TMEM67: variants seen among roughly 807,000 people sequenced by gnomAD.
The protein encoded by TMEM67 is meckelin.
In TMEM67, 124 loss-of-function variants were observed where a neutral mutation model predicts 136.6. The observed-to-expected ratio is 0.91, with a 90% CI of 0.78 to 1.05. The LOEUF is 1.05. TMEM67 is among the 50% of genes least tolerant of loss of function. TMEM67 has a pLI of 0.00. For missense variants in TMEM67, 1,107 were observed against 1,178.4 expected (o/e 0.94, Z 0.89); for synonymous variants, 364 against 390.5 (o/e 0.93, Z 0.80).
At chr8:93,773,447 G>A (rs966041628) in intron 7 of TMEM67, among the ~76,000 whole-genome samples, 3 of 152,144 alleles carry the variant, frequency 2.0e-5, no homozygotes, top group Admixed American at 6.5e-5. Flanking sequence ...AGAATTTGTT[G>A]GGGTAAGGGA....
At chr8:93,780,799 T>G (rs756926400) in intron 8 of TMEM67, 52 bp downstream of exon 8, 1 of 1,603,342 alleles carries the variant, frequency 6.2e-7, no homozygotes, top group South Asian at 1.1e-5. Context: ...TCAGTGCAGT[T>G]ATTAATATAT....
chr8:93,758,005 C>T (rs1812658993), intron 2 of TMEM67, among the ~76,000 whole-genome samples: 1 of 152,212 alleles, frequency 6.6e-6, no homozygotes, highest in Non-Finnish European at 1.5e-5. Flanking sequence ...ATCCACCCAC[C>T]TTGGCCTCCC....
At chr8:93,811,898 C>G (rs1808717594) in intron 26 of TMEM67, among the ~76,000 whole-genome samples, 1 of 151,822 alleles carries the variant, frequency 6.6e-6, no homozygotes, top group Non-Finnish European at 1.5e-5. Context: ...GCCTGTAATC[C>G]TAGCACTTTG....
chr8:93,819,570 G>A (rs995497732), downstream of TMEM67, among the ~76,000 whole-genome samples: 3 of 152,144 alleles, frequency 2.0e-5, no homozygotes, highest in Admixed American at 2.0e-4. Context: ...AATATGAAAC[G>A]TGCTGCAGTA....
intron 26 of TMEM67, among the ~76,000 whole-genome samples, chr8:93,812,330 C>T (rs1808734929): frequency 6.6e-6 from 1 of 151,836 alleles, no homozygotes; most frequent in South Asian, 2.1e-4. Flanking sequence ...AGGATTATAG[C>T]TTTCCTCCAG....
intron 26 of TMEM67, chr8:93,811,232 A>G (rs2130787302): frequency 6.6e-6 from 1 of 152,404 alleles, no homozygotes; most frequent in South Asian, 2.1e-4. Context: ...GATATGAGGT[A>G]AAGCCAGAAG....
At chr8:93,810,495 G>A (rs1284072752) in intron 26 of TMEM67, among the ~76,000 whole-genome samples, 21 of 152,112 alleles carry the variant, frequency 1.4e-4, no homozygotes, top group Admixed American at 6.5e-5. Flanking sequence ...CAGGAGAATG[G>A]CTTGAACCTG....
Position 93,767,897 on chromosome 8 carries a change from C to T in TMEM67, c.651+2251C>T, listed in dbSNP as rs1414652006. ...TTTTTTTTTTTGAGACGGAGTTTCA[C>T]TCTTGTTGCCCAGGCTGGAGTGCAA... is the stretch of plus-strand genomic sequence containing the variant. On this transcript the variant is annotated intron_variant, in intron 6 of 27. Transcript: ENST00000453321. 4.9e-5 allele frequency among the ~76,000 whole-genome samples: 7 copies of T among 142,124 alleles called. No homozygotes were observed. In the Admixed American group the frequency reaches 5.1e-4, roughly 10 times the overall value. The allele number at this position is 142,124 out of a possible 152,430, so 93.2% of individuals were successfully genotyped here.
At chr8:93,797,846 G>T (rs1162355498) in intron 20 of TMEM67, among the ~76,000 whole-genome samples, 1 of 152,170 alleles carries the variant, frequency 6.6e-6, no homozygotes, top group Non-Finnish European at 1.5e-5. Context: ...GCTGGGCATG[G>T]CGGCACATGC....
chr8:93,767,265 T>G (rs1177375729), intron 6 of TMEM67, among the ~76,000 whole-genome samples: 1 of 152,218 alleles, frequency 6.6e-6, no homozygotes, highest in Non-Finnish European at 1.5e-5. Context: ...CTGCATCACA[T>G]CCAGGGGCAC....
chr8:93,769,996 A>C (rs1813261634), intron 6 of TMEM67, among the ~76,000 whole-genome samples: 1 of 152,214 alleles, frequency 6.6e-6, no homozygotes, highest in African/African-American at 2.4e-5. Context: ...TATACTTGCC[A>C]ATCAGAAAAA....
At position 93,772,584 on chromosome 8, in the gene TMEM67, TA is replaced by T. The variant is rs1813373077; in HGVS notation, c.652-4del. On this transcript the variant is annotated splice_region_variant and splice_polypyrimidine_tract_variant and intron_variant, in intron 6 of 27. Coordinates refer to ENST00000453321, the MANE Select transcript of TMEM67 (RefSeq NM_153704.6). ...TAAAAATAAAATGTATCTTTTTGTT[TA>T]CAGGGCATGTCTTTAACTTCAGAAT... 6.2e-7 allele frequency: 1 copy of T among 1,610,156 alleles called. No individual in the cohort carries two copies. Among genetic ancestry groups the T allele is most frequent in the South Asian group, 1.1e-5 (1 of 90,724 alleles).
At chr8:93,756,377 C>T (rs1007671579) in intron 2 of TMEM67, 65 of 151,758 alleles carry the variant, frequency 4.3e-4, no homozygotes, top group Admixed American at 3.1e-3. Context: ...TTCATTGTAT[C>T]GTAATTTAAA....
At chr8:93,820,947 A>G (rs1809032573), downstream of TMEM67, among the ~76,000 whole-genome samples, 1 of 152,214 alleles carries the variant, frequency 6.6e-6, no homozygotes, top group South Asian at 2.1e-4. Flanking sequence ...CATTGCTTCC[A>G]TTGTAATTAT....
chr8:93,758,785 G>A (rs1168351850), intron 3 of TMEM67: 1 of 537,536 alleles, frequency 1.9e-6, no homozygotes, highest in East Asian at 3.2e-5. Flanking sequence ...TTTTTGTAGA[G>A]ACTGGGTCTC....
downstream of TMEM67, chr8:93,819,105 G>A (rs1444646741): frequency 2.2e-6 from 1 of 453,260 alleles, no homozygotes; most frequent in South Asian, 1.6e-5. Context: ...ACATGGCCAG[G>A]ATTAGTTTCT....
chr8:93,783,049 A>G lies in TMEM67; in HGVS notation c.1131+589A>G, dbSNP rs186648087. 3.2e-3 allele frequency among the ~76,000 whole-genome samples: 484 copies of G among 152,182 alleles called. 2 individuals are homozygous for G. Among genetic ancestry groups the G allele is most frequent in the Non-Finnish European group, 5.9e-3 (401 of 67,996 alleles). On this transcript the variant is annotated intron_variant, in intron 11 of 27. Coordinates refer to ENST00000453321, the MANE Select transcript of TMEM67 (RefSeq NM_153704.6). Reference sequence around the variant, plus strand: ...GCCCAGGCTGGAGTGCAGTGGTGCAATCTCAGCTCACTGCAATCTCTTGCC... The same window carrying G: ...GCCCAGGCTGGAGTGCAGTGGTGCAGTCTCAGCTCACTGCAATCTCTTGCC...
At chr8:93,788,062 C>A in intron 14 of TMEM67, 113 bp downstream of exon 14, 1 of 765,614 alleles carries the variant, frequency 1.3e-6, no homozygotes, top group Middle Eastern at 2.5e-4. Flanking sequence ...TCTAAATAAA[C>A]CTTTCTCTAC....
At chr8:93,759,822 A>G (rs1249515511) in intron 3 of TMEM67, 2 of 497,260 alleles carry the variant, frequency 4.0e-6, no homozygotes, top group Non-Finnish European at 7.2e-6. Context: ...CTAATTTTAT[A>G]TTTTTAGTGG....
Sources: gnomAD v4.1 joint callset for allele counts (sites outside exome capture counted in the v4.1 genomes callset) on GRCh38, gnomAD v4.1.1 for gene constraint, MANE v1.5 for transcripts, NCBI Gene and HGNC (gene_info 2026-07-23, HGNC 2026-07-21) for gene names.